SMARCC1: variants seen among roughly 807,000 people sequenced by gnomAD.
The protein encoded by SMARCC1 is SWI/SNF complex subunit SMARCC1.
SMARCC1 carries 43 observed loss-of-function variants against 147.4 expected under a neutral mutation model. The ratio of observed to expected loss-of-function variants is 0.29; its 90% CI spans 0.23 to 0.38. The LOEUF is 0.38. Among genes scored for constraint, SMARCC1 ranks in the 10% least tolerant of loss-of-function variants. The pLI is 1.00. For synonymous variants in SMARCC1, 495 were observed against 484.4 expected, an observed-to-expected ratio of 1.02 and a Z score of -0.29; for missense variants, 1,119 against 1,381.1, an observed-to-expected ratio of 0.81 and a Z score of 3.01.
At chr3:47,709,759 C>T (rs972769520) in intron 9 of SMARCC1, among the ~76,000 whole-genome samples, 19 of 152,202 alleles carry the variant, frequency 1.2e-4, no homozygotes, top group African/African-American at 4.6e-4. Flanking sequence ...TCTCTAAAAG[C>T]TATCACAAAC....
rs2035050075 is a variant in SMARCC1 at position 47,781,654 on chromosome 3, C to A, written c.144G>T (p.Thr48=). 2.6e-6 allele frequency: 4 copies of A among 1,556,712 alleles called. No homozygotes were observed. Among genetic ancestry groups the A allele is most frequent in the African/African-American group, 1.4e-5 (1 of 70,290 alleles). The change falls in exon 1 of 28, where the codon ACG becomes ACT. Residue 48 remains threonine, a synonymous_variant. Coordinates refer to ENST00000254480, the MANE Select transcript of SMARCC1 (RefSeq NM_003074.4). The part of the protein sequence containing the change: ...PATKFWESPE[T]VSQLDSVRVW... ...CCCGCACCGAATCCAGCTGGGACAC[C>A]GTCTCCGGGCTCTCCCAAAACTTGG...
chr3:47,740,472 G>A (rs1401307612), intron 3 of SMARCC1, among the ~76,000 whole-genome samples: 1 of 151,540 alleles, frequency 6.6e-6, no homozygotes, highest in Non-Finnish European at 1.5e-5. Context: ...TGTGATTACA[G>A]GTGTGAGCCA....
intron 11 of SMARCC1, among the ~76,000 whole-genome samples, chr3:47,700,191 T>C (rs947727920): frequency 1.3e-5 from 2 of 151,920 alleles, no homozygotes; most frequent in African/African-American, 4.8e-5. Flanking sequence ...AAAAAAAACC[T>C]ACCAATAACT....
At position 47,748,574 on chromosome 3, in the gene SMARCC1, T is replaced by C. The variant is rs545432799; in HGVS notation, c.316-2581A>G. On this transcript the variant is annotated intron_variant, in intron 2 of 27. Coordinates refer to ENST00000254480, the MANE Select transcript of SMARCC1 (RefSeq NM_003074.4). Reference sequence around the variant, plus strand: ...AATGTGGTGTAACTATATAAAACTATAATAGCTAAAATCTATGCCACAATT... The same window carrying C: ...AATGTGGTGTAACTATATAAAACTACAATAGCTAAAATCTATGCCACAATT... 1.9e-4 allele frequency among the ~76,000 whole-genome samples: 5 copies of C among 26,374 alleles called. No individual in the cohort carries two copies. In the East Asian group the frequency reaches 0.013, roughly 66 times the overall value. The allele number at this position is 26,374 out of a possible 152,430, so 17.3% of individuals were successfully genotyped here. A position where few individuals can be genotyped will look rare whatever the true frequency, so the allele number is the denominator to read the frequency against.
intron 2 of SMARCC1, among the ~76,000 whole-genome samples, chr3:47,754,470 G>A (rs2034664440): frequency 6.6e-6 from 1 of 151,950 alleles, no homozygotes; most frequent in Non-Finnish European, 1.5e-5. Context: ...CAAAGTGTTG[G>A]GATTACAGGT....
At chr3:47,596,150 G>C (rs528901262) in intron 26 of SMARCC1, among the ~76,000 whole-genome samples, 2 of 152,218 alleles carry the variant, frequency 1.3e-5, no homozygotes, top group East Asian at 3.9e-4. Flanking sequence ...AGTCATGCAT[G>C]TAGAACAAGG....
intron 10 of SMARCC1, among the ~76,000 whole-genome samples, chr3:47,702,934 G>A (rs913611828): frequency 2.0e-5 from 3 of 151,820 alleles, no homozygotes; most frequent in African/African-American, 7.3e-5. Context: ...TGTTTTGGTG[G>A]GGGCGGGGGT....
chr3:47,768,847 A>C (rs2034872543), intron 2 of SMARCC1, among the ~76,000 whole-genome samples: 1 of 152,162 alleles, frequency 6.6e-6, no homozygotes, highest in South Asian at 2.1e-4. Flanking sequence ...TGAAGAGAAA[A>C]TAAAAGTTCT....
At chr3:47,621,283 G>T (rs1410983786) in intron 25 of SMARCC1, among the ~76,000 whole-genome samples, 3 of 149,564 alleles carry the variant, frequency 2.0e-5, no homozygotes, top group Non-Finnish European at 4.4e-5. Flanking sequence ...CTGGCAACAG[G>T]GCGAGACTCC....
intron 11 of SMARCC1, among the ~76,000 whole-genome samples, chr3:47,697,442 C>G (rs1030274792): frequency 1.3e-5 from 2 of 151,544 alleles, no homozygotes; most frequent in Non-Finnish European, 2.9e-5. Context: ...CCTGGGACTA[C>G]AGGTATGCGC....
chr3:47,781,561 C>G (rs1214674757), intron 1 of SMARCC1, 42 bp downstream of exon 1: 6 of 1,418,190 alleles, frequency 4.2e-6, no homozygotes, highest in Non-Finnish European at 5.6e-6. Flanking sequence ...CCTCCGGCCC[C>G]GGTCGCGTGG....
chr3:47,618,770 C>T (rs926748891), intron 25 of SMARCC1, among the ~76,000 whole-genome samples: 14 of 151,916 alleles, frequency 9.2e-5, no homozygotes, highest in Non-Finnish European at 1.3e-4. Context: ...TTTAAAAAAC[C>T]GGGGGACCTG....
intron 24 of SMARCC1, among the ~76,000 whole-genome samples, chr3:47,630,372 GC>G (rs2032870577): frequency 6.6e-6 from 1 of 152,196 alleles, no homozygotes; most frequent in Non-Finnish European, 1.5e-5. Flanking sequence ...GCTATCACTT[GC>G]CCTGTCACTC....
chr3:47,759,843 A>T (rs1006741805), intron 2 of SMARCC1, among the ~76,000 whole-genome samples: 1 of 151,972 alleles, frequency 6.6e-6, no homozygotes, highest in Non-Finnish European at 1.5e-5. Context: ...AGGCTGACGC[A>T]GGAGAATCGC....
chr3:47,636,735 G>C (rs1383434131), intron 22 of SMARCC1, among the ~76,000 whole-genome samples: 2 of 151,722 alleles, frequency 1.3e-5, no homozygotes, highest in Non-Finnish European at 2.9e-5. Flanking sequence ...AGCCTAGGCA[G>C]CAAGAGTGAG....
chr3:47,750,887 TAAGACA>T (rs2034620577), intron 2 of SMARCC1, among the ~76,000 whole-genome samples: 1 of 136,272 alleles, frequency 7.3e-6, no homozygotes, highest in Admixed American at 8.1e-5. Context: ...AATATAGGCT[TAAGACA>T]AAGTAATTTT....
In SMARCC1 at chr3:47,610,132, G is replaced by A. The variant is rs753822085; in HGVS notation, c.2977C>T (p.His993Tyr). 1.9e-6 allele frequency: 3 copies of A among 1,613,654 alleles called. No individual in the cohort carries two copies. In the African/African-American group the frequency reaches 4.0e-5, roughly 22 times the overall value. Residue 993 changes from histidine (H) to tyrosine (Y), a missense_variant, in exon 26 of 28, where the codon CAT becomes TAT. Physicochemically the swap from His to Tyr is moderately conservative, Grantham distance 83. Coordinates refer to ENST00000254480, the MANE Select transcript of SMARCC1 (RefSeq NM_003074.4). ...GAAGHPGMMP[H>Y]QQPPPYPLMH... ...AGAGGGTAGGGAGGGGGCTGTTGAT[G>A]AGGCATCATGCCAGGGTGCCCTGCT...
chr3:47,738,158 C>T, intron 3 of SMARCC1, 48 bp from the exon 4 acceptor site: 1 of 1,276,734 alleles, frequency 7.8e-7, no homozygotes, highest in Non-Finnish European at 1.1e-6. Context: ...AGCTTAAACA[C>T]AAATGAAAAC....
At chr3:47,728,078 C>CTTTTTTTTTTTTTTT (rs1166964500) in intron 6 of SMARCC1, among the ~76,000 whole-genome samples, 1 of 56,876 alleles carries the variant, frequency 1.8e-5, no homozygotes, top group African/African-American at 7.5e-5. Flanking sequence ...TTATTAGTCC[C>CTTTTTTTTTTTTTTT]TTTTTTTTTT....
Sources: allele counts gnomAD v4.1 joint callset (sites outside exome capture counted in the v4.1 genomes callset), GRCh38; gene constraint gnomAD v4.1.1; transcripts MANE v1.5; gene names NCBI Gene and HGNC (gene_info 2026-07-23, HGNC 2026-07-21).